Variants in G6PD observed in about 807,000 individuals in gnomAD.
G6PD encodes glucose-6-phosphate 1-dehydrogenase.
In G6PD, 2 loss-of-function variants were observed where a neutral mutation model predicts 38.2. That is an observed-to-expected ratio of 0.05 (90% CI 0.02 to 0.16). The LOEUF is 0.16. G6PD is among the 10% of genes least tolerant of loss of function. The pLI is 1.00. For synonymous variants in G6PD, 188 were observed against 196.0 expected, an observed-to-expected ratio of 0.96 and a Z score of 0.34; for missense variants, 310 against 471.6, an observed-to-expected ratio of 0.66 and a Z score of 3.17.
chrX:154,546,791 G>A lies in G6PD; in HGVS notation c.-11C>T. The A allele has an allele frequency of 8.6e-7, 1 of 1,161,283 alleles. No individual in the cohort carries two copies. Among genetic ancestry groups the A allele is most frequent in the Non-Finnish European group, 1.1e-6 (1 of 872,043 alleles). On this transcript the variant is annotated splice_region_variant and 5_prime_UTR_variant, in exon 1 of 13. Coordinates refer to ENST00000393562, the MANE Select transcript of G6PD (RefSeq NM_001360016.2). ...GCGGCGCCCGCCCGGCCGGTTACCT[G>A]CGCTTCGTCGTCGTCGCCCTCCGCG...
At chrX:154,536,359 C>T (rs2070408767) in intron 2 of G6PD, among the ~76,000 whole-genome samples, 181 bp from the exon 3 acceptor site, 1 of 111,840 alleles carries the variant, frequency 8.9e-6, no homozygotes, top group Non-Finnish European at 1.9e-5. Context: ...AGCCCTCCAT[C>T]CCTGACCCAG....
chrX:154,534,608 G>A (rs1253983343), intron 5 of G6PD, 112 bp from the exon 6 acceptor site: 8 of 920,759 alleles, frequency 8.7e-6, no homozygotes, highest in South Asian at 4.4e-5. Flanking sequence ...GAACCTCCTC[G>A]CCCCCGTGGC....
rs182998982 is a variant in G6PD at position 154,538,389 on chromosome X, T to C, written c.121-2211A>G. Among the ~76,000 whole-genome samples the C allele has an allele frequency of 1.7e-4, 19 of 112,212 alleles. No homozygotes were observed. In the East Asian group the frequency reaches 4.7e-3, roughly 28 times the overall value. On this transcript the variant is annotated intron_variant, in intron 2 of 12. Transcript: ENST00000393562. ...GTTTTTTATTTACAGAATAAATACA[T>C]CTGTAAATAAAAAGTTGGTTTGATA...
At chrX:154,545,900 C>T in intron 2 of G6PD, 136 bp downstream of exon 2, 1 of 778,275 alleles carries the variant, frequency 1.3e-6, no homozygotes, top group South Asian at 2.2e-5. Context: ...CGGGATGATC[C>T]TGGCGCACTA....
At chrX:154,544,956 T>G (rs1195252594) in intron 2 of G6PD, among the ~76,000 whole-genome samples, 2 of 111,935 alleles carry the variant, frequency 1.8e-5, no homozygotes, top group Non-Finnish European at 3.8e-5. Context: ...GGTTACAAGG[T>G]AAGTTAATGG....
chrX:154,532,513 G>C (rs782301123), intron 10 of G6PD, 51 bp from the exon 11 acceptor site: 2 of 1,203,925 alleles, frequency 1.7e-6, no homozygotes, highest in African/African-American at 3.5e-5. Flanking sequence ...ACCATGTGGA[G>C]TCCCCCGGGC....
At position 154,532,469 on chromosome X, in the gene G6PD, G is replaced by A. The variant is rs1236726386; in HGVS notation, c.1288-7C>T. ...CGTCAGGGAGCTTCACGTTCTGTGA[G>A]GGAGAGAGTGTCTTGCTGATGCCAC... On this transcript the variant is annotated splice_region_variant and splice_polypyrimidine_tract_variant and intron_variant, in intron 10 of 12. Coordinates refer to ENST00000393562, the MANE Select transcript of G6PD (RefSeq NM_001360016.2). 8.3e-7 allele frequency: 1 copy of A among 1,209,315 alleles called. No homozygotes were observed. The highest frequency in any genetic ancestry group is 1.8e-5 in the African/African-American group (1 of 57,099).
intron 4 of G6PD, 110 bp from the exon 5 acceptor site, chrX:154,535,495 G>T (rs965882813): frequency 4.2e-6 from 3 of 717,252 alleles, no homozygotes; most frequent in Non-Finnish European, 6.4e-6. Context: ...GTCCAGGGAG[G>T]GTGCCCTCAG....
intron 2 of G6PD, chrX:154,542,196 C>A (rs1019890582): frequency 1.5e-6 from 1 of 687,025 alleles, no homozygotes; most frequent in Non-Finnish European, 2.2e-6. Flanking sequence ...AAAGGGGAGG[C>A]GGGGGCCGCT....
At chrX:154,539,182 A>G (rs2070444624) in intron 2 of G6PD, among the ~76,000 whole-genome samples, 1 of 111,751 alleles carries the variant, frequency 8.9e-6, no homozygotes, top group Non-Finnish European at 1.9e-5. Context: ...GAGAAATGAA[A>G]GTGCAAGTCC....
rs782108377 is a variant in G6PD, at chrX:154,534,318, C to T, written c.644+20G>A. ...GAGTACCACCCCCACCCTGGTCCCC[C>T]GGCCCAGGCTTGGCCCCACCTCAGC... On this transcript the variant is annotated intron_variant, in intron 6 of 12. Transcript: ENST00000393562. The T allele has an allele frequency of 2.5e-5, 30 of 1,207,380 alleles. No homozygotes were observed. The highest frequency in any genetic ancestry group is 8.7e-5 in the Admixed American group (4 of 45,794).
chrX:154,545,409 A>C (rs1437132883), intron 2 of G6PD, among the ~76,000 whole-genome samples: 2 of 112,129 alleles, frequency 1.8e-5, no homozygotes, highest in Non-Finnish European at 3.8e-5. Flanking sequence ...TTGTTAAGGC[A>C]TGAACAGGTC....
upstream of G6PD, chrX:154,547,315 G>A: frequency 2.7e-6 from 2 of 754,686 alleles, no homozygotes; most frequent in Non-Finnish European, 3.1e-6. Flanking sequence ...CTGTTCGCGG[G>A]TCAAGCCGGC....
chrX:154,540,305 C>T (rs782180442), intron 2 of G6PD, among the ~76,000 whole-genome samples: 31 of 109,830 alleles, frequency 2.8e-4, no homozygotes, highest in Non-Finnish European at 5.9e-4. Context: ...CCCGTTTCTA[C>T]TAAAATACAA....
At chrX:154,547,396 G>A, upstream of G6PD, 3 of 755,075 alleles carry the variant, frequency 4.0e-6, no homozygotes, top group Non-Finnish European at 4.7e-6. Context: ...GAGGCTAGAC[G>A]CCGCCGTCCG....
rs782160396 is a variant in G6PD at position 154,534,164 on chromosome X, CAGGG to C, written c.645-8_645-5del. The stretch of plus-strand genomic sequence containing the variant: ...GCCGAAGATCCTGTTGGCAAATCTG[CAGGG>C]AGGGGCAAGGTGGAGGAACTGACCT... On this transcript the variant is annotated splice_polypyrimidine_tract_variant and splice_region_variant and intron_variant, in intron 6 of 12. Coordinates refer to ENST00000393562, the MANE Select transcript of G6PD (RefSeq NM_001360016.2). The C allele has an allele frequency of 2.0e-5, 24 of 1,210,366 alleles. No homozygotes were observed. The Admixed American group carries it at 5.2e-4, about 26-fold the overall frequency.
chrX:154,531,643 C>T lies in G6PD; in HGVS notation c.*357G>A, dbSNP rs1050757. On this transcript the variant is annotated 3_prime_UTR_variant, in exon 13 of 13. Coordinates refer to ENST00000393562, the MANE Select transcript of G6PD (RefSeq NM_001360016.2). ...GGGTGCTCGCCCCTTTCCTCCCCCTCGTCCCTCCCTCCCACCCTGGCCCCA... is the reference window on the plus strand; with the variant it reads ...GGGTGCTCGCCCCTTTCCTCCCCCTTGTCCCTCCCTCCCACCCTGGCCCCA... 152,267 of 217,608 alleles carry T rather than the reference C, an allele frequency of 0.7. 44,702 individuals are homozygous for T. Among genetic ancestry groups the T allele is most frequent in the East Asian group, 0.86 (6,988 of 8,114 alleles). The allele number at this position is 217,608 out of a possible 1,213,427, so 17.9% of individuals were successfully genotyped here.
At chrX:154,542,082 G>C (rs1463856746) in intron 2 of G6PD, among the ~76,000 whole-genome samples, 3 of 112,412 alleles carry the variant, frequency 2.7e-5, no homozygotes, top group Non-Finnish European at 5.6e-5. Context: ...GCTATACCCG[G>C]GGGCTCATGA....
At chrX:154,538,039 G>T (rs2070430934) in intron 2 of G6PD, among the ~76,000 whole-genome samples, 1 of 106,074 alleles carries the variant, frequency 9.4e-6, no homozygotes, top group Admixed American at 1.0e-4. Flanking sequence ...CTGTCACCTA[G>T]GCTGGAGTGC....
Sources: allele counts gnomAD v4.1 joint callset (sites outside exome capture counted in the v4.1 genomes callset), GRCh38; gene constraint gnomAD v4.1.1; transcripts MANE v1.5; gene names NCBI Gene and HGNC (gene_info 2026-07-23, HGNC 2026-07-21).